EEF1AKMT1: variants seen among roughly 807,000 people sequenced by gnomAD.
EEF1AKMT1 encodes N-6 adenine-specific DNA methyltransferase 2 (putative).
In EEF1AKMT1, 18 loss-of-function variants were observed where a neutral mutation model predicts 21.0. The observed-to-expected ratio is 0.86, with a 90% confidence interval of 0.59 to 1.27. The LOEUF (loss-of-function observed/expected upper bound fraction) is 1.27. Among genes scored for constraint, EEF1AKMT1 ranks in the 50% most tolerant of loss-of-function variants. The pLI is 0.00. For synonymous variants in EEF1AKMT1, 109 were observed against 94.8 expected (o/e 1.15, Z -0.87); for missense variants, 246 against 258.6 (o/e 0.95, Z 0.33).
At position 20,737,712 on chromosome 13, in the gene EEF1AKMT1, T is replaced by G. The variant is rs775133884; in HGVS notation, c.227+11A>C. On this transcript the variant is annotated intron_variant, in intron 3 of 4. Transcript: ENST00000382758. ...ACATTAGATGCCAAAAAGAGAAAAT[T>G]TGAATCTCACCTGCCACCTTCTCCT... The G allele has an allele frequency of 3.1e-6, 5 of 1,608,552 alleles. No individual in the cohort carries two copies. The South Asian group carries it at 3.3e-5, about 11-fold the overall frequency.
chr13:20,765,260 G>A lies in EEF1AKMT1; in HGVS notation c.-19-7643C>T, dbSNP rs539927330. The stretch of plus-strand genomic sequence containing the variant: ...AGGCAACAGTGCAAGACTCCAACTC[G>A]AAAATAAAATAAAATAAAAATAAAA... On this transcript the variant is annotated intron_variant, in intron 1 of 4. Transcript: ENST00000382758. 1.4e-4 allele frequency among the ~76,000 whole-genome samples: 21 copies of A among 151,864 alleles called. No homozygotes were observed. In the South Asian group the frequency reaches 4.0e-3, roughly 29 times the overall value.
intron 3 of EEF1AKMT1, among the ~76,000 whole-genome samples, chr13:20,737,283 G>C (rs529217045): frequency 6.6e-6 from 1 of 152,198 alleles, no homozygotes; most frequent in East Asian, 1.9e-4. Context: ...AGAATTGCTT[G>C]AATCTGGGAG....
At position 20,730,086 on chromosome 13, in the gene EEF1AKMT1, A is replaced by C. The variant is rs117168789; in HGVS notation, c.509-870T>G. 1.8e-4 allele frequency among the ~76,000 whole-genome samples: 27 copies of C among 152,384 alleles called. No homozygotes were observed. The East Asian group carries it at 4.8e-3, about 27-fold the overall frequency. ...CCCTCAGGTCCCTGGGGCAAAGTGC[A>C]GATCCCTGGGTCTCTGTTACTCTTC... On this transcript the variant is annotated intron_variant, in intron 4 of 4. Coordinates refer to ENST00000382758, the MANE Select transcript of EEF1AKMT1 (RefSeq NM_001318939.2).
chr13:20,741,456 C>CT (rs562645355), intron 2 of EEF1AKMT1, among the ~76,000 whole-genome samples: 9,145 of 112,190 alleles, frequency 0.082, 1,203 homozygotes, highest in African/African-American at 0.25. Context: ...ATTGTAATTA[C>CT]TTTTTTTTTT....
At chr13:20,746,533 C>T (rs561625627) in intron 2 of EEF1AKMT1, among the ~76,000 whole-genome samples, 2 of 152,290 alleles carry the variant, frequency 1.3e-5, no homozygotes, top group East Asian at 3.9e-4. Flanking sequence ...AAGCCCCTAG[C>T]ATACAGAGAA....
intron 2 of EEF1AKMT1, among the ~76,000 whole-genome samples, chr13:20,750,447 G>A (rs2058934334): frequency 6.6e-6 from 1 of 151,978 alleles, no homozygotes; most frequent in South Asian, 2.1e-4. Context: ...TGCAATATTT[G>A]TCTTTCTGTG....
At chr13:20,734,058 G>A (rs1336314102) in intron 3 of EEF1AKMT1, among the ~76,000 whole-genome samples, 2 of 152,178 alleles carry the variant, frequency 1.3e-5, no homozygotes, top group African/African-American at 2.4e-5. Flanking sequence ...AGATCAGGGC[G>A]GTAGGAGGGG....
chr13:20,745,853 A>C (rs1488604138), intron 2 of EEF1AKMT1, among the ~76,000 whole-genome samples: 2 of 152,100 alleles, frequency 1.3e-5, no homozygotes, highest in Admixed American at 1.3e-4. Flanking sequence ...ATCTCGAAAA[A>C]AATAAAAATA....
At position 20,732,097 on chromosome 13, in the gene EEF1AKMT1, A is replaced by T; in HGVS notation, c.252T>A (p.Ser84Arg). 6.2e-7 allele frequency: 1 copy of T among 1,612,212 alleles called. No homozygotes were observed. Among genetic ancestry groups the T allele is most frequent in the African/African-American group, 1.3e-5 (1 of 74,898 alleles). ...GGRIACVSAP[S>R]VYQKLRELCR... Reference sequence around the variant, plus strand: ...ACAGCTCTCTGAGTTTCTGGTAAACACTAGGGGCACTCACACATGCGATTC... The same window carrying T: ...ACAGCTCTCTGAGTTTCTGGTAAACTCTAGGGGCACTCACACATGCGATTC... Residue 84 changes from serine to arginine, a missense_variant, in exon 4 of 5, where the codon AGT (serine) becomes AGA (arginine). Physicochemically the swap from Ser to Arg is moderately radical, Grantham distance 110 (BLOSUM62 -1). Coordinates refer to ENST00000382758, the MANE Select transcript of EEF1AKMT1 (RefSeq NM_001318939.2).
In EEF1AKMT1 at chr13:20,759,579, CAAAAACA is replaced by C. The variant is rs918304954; in HGVS notation, c.-19-1969_-19-1963del. ...TGGGTGACAGAGCAAGACTCCGTCT[CAAAAACA>C]AAAAACAAACAAAAAACGAAACAAA... On this transcript the variant is annotated intron_variant, in intron 1 of 4. Transcript: ENST00000382758. Among the ~76,000 whole-genome samples the C allele has an allele frequency of 2.4e-4, 32 of 135,958 alleles. No individual in the cohort carries two copies. The South Asian group carries it at 6.1e-3, about 26-fold the overall frequency. 89.2% of individuals were successfully genotyped at this position (135,958 alleles called of 152,430 possible). A position where few individuals can be genotyped will look rare whatever the true frequency, so the allele number is the denominator to read the frequency against.
chr13:20,742,312 C>T (rs192951093), intron 2 of EEF1AKMT1, among the ~76,000 whole-genome samples: 22 of 151,548 alleles, frequency 1.5e-4, no homozygotes, highest in African/African-American at 4.8e-4. Flanking sequence ...ACTGGGTTTA[C>T]TGTTTTATTA....
chr13:20,737,900 G>T (rs117435800), intron 2 of EEF1AKMT1, 95 bp from the exon 3 acceptor site: 18 of 802,792 alleles, frequency 2.2e-5, no homozygotes, highest in Non-Finnish European at 3.5e-5. Context: ...CAGATATTTT[G>T]TTCTTTTAAT....
chr13:20,756,911 CA>C (rs2058974738), intron 2 of EEF1AKMT1, among the ~76,000 whole-genome samples: 1 of 152,226 alleles, frequency 6.6e-6, no homozygotes, highest in Non-Finnish European at 1.5e-5. Context: ...GACCCAACCA[CA>C]TGGGGTAACC....
At chr13:20,739,233 C>G (rs960202959) in intron 2 of EEF1AKMT1, among the ~76,000 whole-genome samples, 1 of 152,110 alleles carries the variant, frequency 6.6e-6, no homozygotes, top group South Asian at 2.1e-4. Context: ...GAGACCTTCA[C>G]GGTGAGTGTT....
chr13:20,739,327 C>T lies in EEF1AKMT1; in HGVS notation c.145-1522G>A, dbSNP rs540500523. Among the ~76,000 whole-genome samples, 5 of 152,198 alleles carry T rather than the reference C, an allele frequency of 3.3e-5. No individual in the cohort carries two copies. The East Asian group carries it at 5.8e-4, about 18-fold the overall frequency. ...GAGCAAAAGAACAAACCTTCCACAG[C>T]ATGGAAGGCAACCCAAGAGGGTTGC... is the stretch of plus-strand genomic sequence containing the variant. On this transcript the variant is annotated intron_variant, in intron 2 of 4. Coordinates refer to ENST00000382758, the MANE Select transcript of EEF1AKMT1 (RefSeq NM_001318939.2).
intron 1 of EEF1AKMT1, among the ~76,000 whole-genome samples, chr13:20,768,688 C>T (rs2059048416): frequency 2.0e-5 from 3 of 151,814 alleles, no homozygotes; most frequent in Admixed American, 2.0e-4. Flanking sequence ...GATTGGACAC[C>T]TCAATCTTTT....
intron 1 of EEF1AKMT1, among the ~76,000 whole-genome samples, chr13:20,757,993 C>T (rs937305961): frequency 6.6e-6 from 1 of 152,226 alleles, no homozygotes; most frequent in Non-Finnish European, 1.5e-5. Flanking sequence ...TAACAGGCCC[C>T]GAAAGAAGTT....
intron 3 of EEF1AKMT1, among the ~76,000 whole-genome samples, chr13:20,736,553 C>T (rs568927413): frequency 7.9e-4 from 120 of 151,824 alleles, no homozygotes; most frequent in African/African-American, 2.8e-3. Flanking sequence ...AAAGAGGTGT[C>T]GTAAAACCAG....
chr13:20,766,007 T>C (rs1388667271), intron 1 of EEF1AKMT1, among the ~76,000 whole-genome samples: 1 of 151,776 alleles, frequency 6.6e-6, no homozygotes, highest in Non-Finnish European at 1.5e-5. Context: ...AAAATAGAAA[T>C]ATGCAATAGA....
Sources: gnomAD v4.1 joint callset for allele counts (sites outside exome capture counted in the v4.1 genomes callset) on GRCh38, gnomAD v4.1.1 for gene constraint, MANE v1.5 for transcripts, NCBI Gene and HGNC (gene_info 2026-07-23, HGNC 2026-07-21) for gene names.